Variants in ARHGAP42 observed in about 807,000 individuals in gnomAD.
ARHGAP42 encodes the protein rho GTPase-activating protein 42.
ARHGAP42 carries 63 observed loss-of-function variants against 125.0 expected under a neutral mutation model. The ratio of observed to expected loss-of-function variants is 0.50; its 90% CI spans 0.41 to 0.62. ARHGAP42 has a LOEUF of 0.62. Ranked by LOEUF, ARHGAP42 falls within the 20% of genes least tolerant of loss-of-function variation. The pLI is 0.00. For missense variants in ARHGAP42, 766 were observed against 1,024.2 expected (o/e 0.75, Z 3.44); for synonymous variants, 339 against 351.0 (o/e 0.97, Z 0.38).
chr11:100,851,371 T>C (rs1865200832), intron 3 of ARHGAP42, among the ~76,000 whole-genome samples: 1 of 152,326 alleles, frequency 6.6e-6, no homozygotes, highest in South Asian at 2.1e-4. Context: ...GTCACATACA[T>C]GATATTGATC....
At chr11:100,935,892 C>G (rs532429630) in intron 7 of ARHGAP42, among the ~76,000 whole-genome samples, 6 of 152,210 alleles carry the variant, frequency 3.9e-5, no homozygotes, top group Admixed American at 1.3e-4. Flanking sequence ...AATCCCAGCA[C>G]TTTGGGAGGT....
At chr11:100,961,510 T>C (rs1389231667) in intron 14 of ARHGAP42, among the ~76,000 whole-genome samples, 174 bp from the exon 15 acceptor site, 1 of 152,180 alleles carries the variant, frequency 6.6e-6, no homozygotes, top group East Asian at 1.9e-4. Flanking sequence ...CTTTGAGGTT[T>C]AGTGTCAGCT....
intron 3 of ARHGAP42, among the ~76,000 whole-genome samples, chr11:100,816,468 G>A (rs551090711): frequency 1.9e-3 from 292 of 152,236 alleles, no homozygotes; most frequent in Non-Finnish European, 3.2e-3. Context: ...AAAGTAATAG[G>A]AAGCATCAAC....
intron 1 of ARHGAP42, among the ~76,000 whole-genome samples, chr11:100,751,051 G>GCCTC: frequency 6.7e-6 from 1 of 150,038 alleles, no homozygotes; most frequent in East Asian, 2.0e-4. Flanking sequence ...TGATTCTCCT[G>GCCTC]CCTCAGCCTC....
chr11:100,827,946 G>A (rs1025896002), intron 3 of ARHGAP42, among the ~76,000 whole-genome samples: 1 of 152,182 alleles, frequency 6.6e-6, no homozygotes, highest in Non-Finnish European at 1.5e-5. Flanking sequence ...CATGGGAGTG[G>A]GGGTAAGAGA....
chr11:100,838,318 TGAAATTA>T (rs1176035835), intron 3 of ARHGAP42, among the ~76,000 whole-genome samples: 2 of 152,132 alleles, frequency 1.3e-5, no homozygotes, highest in Admixed American at 1.3e-4. Context: ...TTTCTCTCTT[TGAAATTA>T]GTAAGTCCTT....
intron 3 of ARHGAP42, among the ~76,000 whole-genome samples, chr11:100,805,766 G>C (rs879459044): frequency 2.0e-5 from 3 of 152,080 alleles, no homozygotes; most frequent in Non-Finnish European, 4.4e-5. Context: ...CATTGCCATA[G>C]CATTTATAAA....
intron 1 of ARHGAP42, among the ~76,000 whole-genome samples, chr11:100,740,811 C>T (rs184985592): frequency 8.6e-4 from 131 of 152,176 alleles, no homozygotes; most frequent in Non-Finnish European, 1.7e-3. Context: ...GTTGATGAAG[C>T]TTTGGAACGT....
chr11:100,966,867 A>G (rs779981971), intron 17 of ARHGAP42, among the ~76,000 whole-genome samples: 29 of 152,178 alleles, frequency 1.9e-4, no homozygotes, highest in Non-Finnish European at 4.0e-4. Context: ...CTGTAGCATT[A>G]TTTAGTATTT....
chr11:100,896,561 C>T (rs930762020), intron 4 of ARHGAP42, among the ~76,000 whole-genome samples: 1 of 152,038 alleles, frequency 6.6e-6, no homozygotes, highest in African/African-American at 2.4e-5. Flanking sequence ...TCTCATTGTG[C>T]TTTTGATTTG....
intron 1 of ARHGAP42, among the ~76,000 whole-genome samples, chr11:100,700,489 A>G (rs528908193): frequency 6.6e-6 from 1 of 152,328 alleles, no homozygotes; most frequent in East Asian, 1.9e-4. Flanking sequence ...TCAAAGTTGC[A>G]GTCAGTCCTC....
At chr11:100,913,142 T>C (rs1238237706) in intron 4 of ARHGAP42, among the ~76,000 whole-genome samples, 1 of 152,196 alleles carries the variant, frequency 6.6e-6, no homozygotes, top group Non-Finnish European at 1.5e-5. Context: ...TTGGTGGGAC[T>C]CTACTGTAGC....
At chr11:100,949,689 T>C (rs1261039944) in intron 11 of ARHGAP42, among the ~76,000 whole-genome samples, 1 of 152,116 alleles carries the variant, frequency 6.6e-6, no homozygotes, top group Non-Finnish European at 1.5e-5. Flanking sequence ...GGTAGAACCT[T>C]GTCCAGGGCA....
intron 17 of ARHGAP42, among the ~76,000 whole-genome samples, chr11:100,968,279 T>A (rs1858150618): frequency 6.6e-6 from 1 of 152,190 alleles, no homozygotes; most frequent in Non-Finnish European, 1.5e-5. Context: ...TATTGTTTAA[T>A]CCATTCACAT....
intron 23 of ARHGAP42, among the ~76,000 whole-genome samples, chr11:100,987,849 G>T (rs953260861): frequency 8.8e-6 from 1 of 113,420 alleles, no homozygotes; most frequent in Non-Finnish European, 1.9e-5. Context: ...AAATAAATAG[G>T]CCAGGCGCGG....
At chr11:100,771,453 T>A (rs1862975834) in intron 2 of ARHGAP42, among the ~76,000 whole-genome samples, 1 of 152,162 alleles carries the variant, frequency 6.6e-6, no homozygotes, top group South Asian at 2.1e-4. Context: ...ATATGTCATA[T>A]AATGAAAAGA....
intron 1 of ARHGAP42, among the ~76,000 whole-genome samples, chr11:100,707,576 A>AAAGG (rs1475933061): frequency 6.6e-6 from 1 of 152,224 alleles, no homozygotes; most frequent in East Asian, 1.9e-4. Flanking sequence ...ACATAAGTGC[A>AAAGG]AAGGGTGGTA....
intron 1 of ARHGAP42, among the ~76,000 whole-genome samples, chr11:100,705,557 C>T (rs187788553): frequency 9.1e-4 from 138 of 152,106 alleles, no homozygotes; most frequent in African/African-American, 2.8e-3. Flanking sequence ...TTATGGTACT[C>T]GGTATTAAAT....
intron 10 of ARHGAP42, among the ~76,000 whole-genome samples, chr11:100,944,103 A>G (rs1867954283): frequency 6.6e-6 from 1 of 152,080 alleles, no homozygotes; most frequent in African/African-American, 2.4e-5. Context: ...AAATCAATAT[A>G]AATGACTGTA....
Sources: allele counts gnomAD v4.1 joint callset (sites outside exome capture counted in the v4.1 genomes callset), GRCh38; gene constraint gnomAD v4.1.1; transcripts MANE v1.5; gene names NCBI Gene and HGNC (gene_info 2026-07-23, HGNC 2026-07-21).